ATP8B1: variants seen among roughly 807,000 people sequenced by gnomAD.
ATP8B1 encodes phospholipid-transporting ATPase IC.
ATP8B1 carries 80 observed loss-of-function variants against 149.9 expected under a neutral mutation model. The ratio of observed to expected loss-of-function variants is 0.53; its 90% confidence interval spans 0.45 to 0.64. ATP8B1 has a LOEUF of 0.64. Among genes scored for constraint, ATP8B1 ranks in the 30% least tolerant of loss-of-function variants. The pLI is 0.00. For missense variants in ATP8B1, 1,247 were observed against 1,552.6 expected (o/e 0.80, Z 3.31); for synonymous variants, 536 against 562.8 (o/e 0.95, Z 0.67).
chr18:57,697,296 A>G (rs1043681775), intron 8 of ATP8B1, among the ~76,000 whole-genome samples: 2 of 152,080 alleles, frequency 1.3e-5, no homozygotes, highest in African/African-American at 2.4e-5. Context: ...ATTGGTAAAG[A>G]CTTTAAAAAT....
chr18:57,703,642 G>A (rs991106949), intron 4 of ATP8B1, among the ~76,000 whole-genome samples: 5 of 151,266 alleles, frequency 3.3e-5, no homozygotes, highest in Admixed American at 6.6e-5. Flanking sequence ...TATGTAATCC[G>A]CACGGCAGAC....
At chr18:57,751,765 G>A (rs865860433) in intron 1 of ATP8B1, among the ~76,000 whole-genome samples, 1 of 152,286 alleles carries the variant, frequency 6.6e-6, no homozygotes, top group African/African-American at 2.4e-5. Flanking sequence ...ACACTCACAA[G>A]GGCAGCTAGG....
intron 1 of ATP8B1, among the ~76,000 whole-genome samples, chr18:57,792,597 A>G (rs1418778168): frequency 6.6e-6 from 1 of 152,186 alleles, no homozygotes; most frequent in Non-Finnish European, 1.5e-5. Context: ...TGCGGGGACA[A>G]GGCGATAAAC....
At chr18:57,746,467 C>CTTTTT (rs71171082) in intron 1 of ATP8B1, among the ~76,000 whole-genome samples, 25 of 94,102 alleles carry the variant, frequency 2.7e-4, no homozygotes, top group Admixed American at 3.7e-4. Context: ...CTGATGCTTA[C>CTTTTT]TTTTTTTTTT....
At chr18:57,669,596 G>T in intron 17 of ATP8B1, 114 bp from the exon 18 acceptor site, 1 of 998,922 alleles carries the variant, frequency 1.0e-6, no homozygotes, top group Non-Finnish European at 1.5e-6. Context: ...TTTAAAAAGA[G>T]ATCATTAAAC....
intron 1 of ATP8B1, among the ~76,000 whole-genome samples, chr18:57,789,203 A>G (rs1031841801): frequency 6.6e-6 from 1 of 152,216 alleles, no homozygotes. Flanking sequence ...CTCATCATTT[A>G]TCTGAGATTC....
rs1389096922 is a variant in ATP8B1 at position 57,691,857 on chromosome 18, C to G, written c.1170G>C (p.Trp390Cys). ...TPSYRGFLIF[W>C]GYIIVLNTMV... ...TGGTGTTGAGAACAATGATATAGCC[C>G]CAGAAAATGAGGAATCCACGGTAGG... Residue 390 changes from tryptophan (W) to cysteine (C), a missense_variant, in exon 12 of 28, where the codon TGG becomes TGC. By Grantham distance (215) the Trp-to-Cys change is radical. Transcript: ENST00000648908. 1.9e-6 allele frequency: 3 copies of G among 1,613,898 alleles called. No individual in the cohort carries two copies. The South Asian group carries it at 3.3e-5, about 18-fold the overall frequency.
chr18:57,759,928 TCTGA>T (rs2080131926), intron 1 of ATP8B1, among the ~76,000 whole-genome samples: 1 of 152,006 alleles, frequency 6.6e-6, no homozygotes, highest in Non-Finnish European at 1.5e-5. Flanking sequence ...CTTAATTGTC[TCTGA>T]CTGGCAATTG....
chr18:57,758,603 G>A (rs149738022), intron 1 of ATP8B1, among the ~76,000 whole-genome samples: 1,523 of 145,586 alleles, frequency 0.01, 31 homozygotes, highest in African/African-American at 0.036. Context: ...AGCCAAGATC[G>A]TGCTATTGCA....
intron 1 of ATP8B1, among the ~76,000 whole-genome samples, chr18:57,767,468 C>T (rs771858141): frequency 2.0e-5 from 3 of 152,122 alleles, no homozygotes; most frequent in Non-Finnish European, 2.9e-5. Flanking sequence ...TGTTCAACAG[C>T]CACCTGTGAC....
chr18:57,686,882 T>C (rs775824374), intron 13 of ATP8B1, among the ~76,000 whole-genome samples: 1 of 151,936 alleles, frequency 6.6e-6, no homozygotes, highest in Non-Finnish European at 1.5e-5. Flanking sequence ...CTTGCTCTGT[T>C]AGCCATGCTG....
chr18:57,773,156 C>T (rs951578040), intron 1 of ATP8B1, among the ~76,000 whole-genome samples: 3 of 141,910 alleles, frequency 2.1e-5, no homozygotes, highest in African/African-American at 8.0e-5. Flanking sequence ...GAGCCAAGAT[C>T]ACACCATTGC....
intron 16 of ATP8B1, among the ~76,000 whole-genome samples, chr18:57,672,796 G>T (rs1262941152): frequency 8.2e-5 from 12 of 145,688 alleles, no homozygotes; most frequent in African/African-American, 3.1e-4. Context: ...AACCAGGGAG[G>T]TAGAGGTTGC....
intron 19 of ATP8B1, chr18:57,668,001 C>T (rs1910983052): frequency 8.5e-7 from 1 of 1,178,404 alleles, no homozygotes; most frequent in Non-Finnish European, 1.1e-6. Flanking sequence ...TCGTTCTTTC[C>T]TTAGGTATAC....
intron 2 of ATP8B1, among the ~76,000 whole-genome samples, chr18:57,725,451 C>T (rs1029710868): frequency 1.3e-5 from 2 of 152,150 alleles, no homozygotes; most frequent in Non-Finnish European, 2.9e-5. Flanking sequence ...AATGTCCACA[C>T]TGCCCAAAGC....
intron 1 of ATP8B1, among the ~76,000 whole-genome samples, chr18:57,786,686 G>A (rs1185077884): frequency 1.3e-5 from 2 of 152,220 alleles, no homozygotes; most frequent in African/African-American, 2.4e-5. Context: ...CAAGGAATCA[G>A]GAAATCTTCC....
In ATP8B1 at chr18:57,781,686, G is replaced by A. The variant is rs141372507; in HGVS notation, c.-26+21312C>T. ...CACAGACTGTTACAGTTCAATATGGGAAACATAGGTGGGTGCAGTGGCTCG... is the reference window on the plus strand; with the variant it reads ...CACAGACTGTTACAGTTCAATATGGAAAACATAGGTGGGTGCAGTGGCTCG... On this transcript the variant is annotated intron_variant, in intron 1 of 27. Transcript: ENST00000648908. Among the ~76,000 whole-genome samples, 842 of 152,322 alleles carry A rather than the reference G, an allele frequency of 5.5e-3. 7 individuals are homozygous for A. The highest frequency in any genetic ancestry group is 0.02 in the Middle Eastern group (6 of 294).
chr18:57,662,920 A>C (rs1245661977), intron 20 of ATP8B1, among the ~76,000 whole-genome samples: 2 of 152,006 alleles, frequency 1.3e-5, no homozygotes, highest in Non-Finnish European at 2.9e-5. Context: ...CGCCTGGCTA[A>C]TTTTTGTATT....
chr18:57,688,265 C>A, intron 13 of ATP8B1, 34 bp downstream of exon 13: 1 of 1,600,322 alleles, frequency 6.2e-7, no homozygotes, highest in African/African-American at 1.3e-5. Context: ...GGCAGCCCCA[C>A]TCACCCAGAA....
Sources: allele counts gnomAD v4.1 joint callset (sites outside exome capture counted in the v4.1 genomes callset), GRCh38; gene constraint gnomAD v4.1.1; transcripts MANE v1.5; gene names NCBI Gene and HGNC (gene_info 2026-07-23, HGNC 2026-07-21).